The following CNTNAP2 variants were observed in gnomAD, a reference collection of about 807,000 sequenced individuals.
The protein encoded by CNTNAP2 is contactin associated protein 2.
Under a neutral mutation model 155.2 loss-of-function variants are expected in CNTNAP2, and 98 were observed. That is an observed-to-expected ratio of 0.63 (90% confidence interval 0.54 to 0.75). The LOEUF is 0.75. Ranked by LOEUF, CNTNAP2 falls within the 30% of genes least tolerant of loss-of-function variation. The probability of loss-of-function intolerance (pLI) is 0.00; values close to 1 mark genes in which losing one functional copy is unlikely to be tolerated. For missense variants in CNTNAP2, 1,727 were observed against 1,688.1 expected (o/e 1.02, Z -0.40); for synonymous variants, 651 against 631.2 (o/e 1.03, Z -0.47).
chr7:146,162,924 G>A (rs545296589), intron 1 of CNTNAP2, among the ~76,000 whole-genome samples: 17 of 152,146 alleles, frequency 1.1e-4, no homozygotes, highest in African/African-American at 2.4e-4. Flanking sequence ...ACCAAACACC[G>A]CATGTTCTCA....
At chr7:147,229,718 G>A (rs569085720) in intron 8 of CNTNAP2, among the ~76,000 whole-genome samples, 2 of 152,166 alleles carry the variant, frequency 1.3e-5, no homozygotes, top group Admixed American at 1.3e-4. Flanking sequence ...TGTCTATGTC[G>A]ACAAAGGCAT....
chr7:146,477,993 G>T (rs2129127936), intron 1 of CNTNAP2, among the ~76,000 whole-genome samples: 1 of 152,188 alleles, frequency 6.6e-6, no homozygotes, highest in East Asian at 1.9e-4. Context: ...AAGATTAAGT[G>T]GTAGGAAAAG....
At chr7:148,183,523 C>G (rs1258944939) in intron 18 of CNTNAP2, among the ~76,000 whole-genome samples, 1 of 138,604 alleles carries the variant, frequency 7.2e-6, no homozygotes, top group Admixed American at 7.6e-5. Context: ...GCTTTGTTGC[C>G]CTAGCTGGAG....
At chr7:147,120,521 C>T (rs796116072) in intron 5 of CNTNAP2, among the ~76,000 whole-genome samples, 3 of 152,012 alleles carry the variant, frequency 2.0e-5, no homozygotes, top group African/African-American at 7.3e-5. Context: ...CATTTTCCCC[C>T]TTTTTAAAAA....
At chr7:146,789,563 T>C (rs1175177598) in intron 2 of CNTNAP2, among the ~76,000 whole-genome samples, 1 of 151,306 alleles carries the variant, frequency 6.6e-6, no homozygotes, top group East Asian at 1.9e-4. Flanking sequence ...ATCAATTTAG[T>C]CTAATTTTTG....
At chr7:147,902,074 G>A (rs75271530) in intron 13 of CNTNAP2, among the ~76,000 whole-genome samples, 4,991 of 152,250 alleles carry the variant, frequency 0.033, 132 homozygotes, top group Non-Finnish European at 0.053. Context: ...GACCAGTCAC[G>A]AGAATTGTAT....
intron 4 of CNTNAP2, chr7:147,080,823 G>A (rs1425633262): frequency 6.6e-6 from 1 of 151,456 alleles, no homozygotes; most frequent in Non-Finnish European, 1.5e-5. Flanking sequence ...TCAACCACCA[G>A]TCGTTTTCCT....
chr7:146,874,628 C>T (rs977266822), intron 3 of CNTNAP2, among the ~76,000 whole-genome samples: 1 of 152,140 alleles, frequency 6.6e-6, no homozygotes, highest in African/African-American at 2.4e-5. Flanking sequence ...CGTGAGCCAC[C>T]ACACCTGGCC....
chr7:147,281,795 A>C (rs1485134503), intron 8 of CNTNAP2, among the ~76,000 whole-genome samples: 1 of 151,870 alleles, frequency 6.6e-6, no homozygotes, highest in Non-Finnish European at 1.5e-5. Context: ...GTTAGTCATC[A>C]CCTGATTCTT....
At chr7:147,800,474 T>A (rs1584961502) in intron 13 of CNTNAP2, among the ~76,000 whole-genome samples, 1 of 144,644 alleles carries the variant, frequency 6.9e-6, no homozygotes, top group Admixed American at 6.9e-5. Context: ...CAGCTCACTT[T>A]AAAAAAAAAA....
chr7:147,623,039 C>T (rs891880704), intron 12 of CNTNAP2, among the ~76,000 whole-genome samples: 1 of 152,036 alleles, frequency 6.6e-6, no homozygotes, highest in African/African-American at 2.4e-5. Context: ...TTCTTAGACA[C>T]ATACAACCTA....
chr7:146,160,408 G>C (rs1798199072), intron 1 of CNTNAP2, among the ~76,000 whole-genome samples: 1 of 152,232 alleles, frequency 6.6e-6, no homozygotes, highest in African/African-American at 2.4e-5. Flanking sequence ...CCAGGAGCTG[G>C]CTTTTTGAAA....
intron 18 of CNTNAP2, among the ~76,000 whole-genome samples, chr7:148,212,490 T>C (rs1322463397): frequency 6.6e-6 from 1 of 152,226 alleles, no homozygotes; most frequent in Non-Finnish European, 1.5e-5. Flanking sequence ...TCAAAAATGA[T>C]TATAAAACTT....
At chr7:147,964,432 T>A (rs1801169738) in intron 14 of CNTNAP2, among the ~76,000 whole-genome samples, 1 of 152,176 alleles carries the variant, frequency 6.6e-6, no homozygotes, top group African/African-American at 2.4e-5. Flanking sequence ...CGGATTTGTT[T>A]CCATCATTTT....
intron 20 of CNTNAP2, among the ~76,000 whole-genome samples, chr7:148,230,289 A>G (rs1477498025): frequency 6.6e-6 from 1 of 152,220 alleles, no homozygotes; most frequent in Non-Finnish European, 1.5e-5. Flanking sequence ...GGCTTTCGGC[A>G]CACAAAGGGA....
chr7:148,281,002 T>TG (rs769953845), intron 21 of CNTNAP2, among the ~76,000 whole-genome samples: 4 of 152,050 alleles, frequency 2.6e-5, no homozygotes, highest in Non-Finnish European at 5.9e-5. Context: ...CATTTATTCA[T>TG]GGGATATTTA....
intron 14 of CNTNAP2, among the ~76,000 whole-genome samples, chr7:147,960,406 T>A (rs952282651): frequency 6.6e-6 from 1 of 152,164 alleles, no homozygotes; most frequent in Non-Finnish European, 1.5e-5. Context: ...GATTAACCAA[T>A]GAGGTGGTAC....
intron 1 of CNTNAP2, among the ~76,000 whole-genome samples, chr7:146,482,752 T>C (rs1439733396): frequency 6.7e-6 from 1 of 150,166 alleles, no homozygotes; most frequent in Non-Finnish European, 1.5e-5. Flanking sequence ...AAAAAAAAAA[T>C]TGTCATAATT....
intron 13 of CNTNAP2, among the ~76,000 whole-genome samples, chr7:147,782,777 C>T (rs889866159): frequency 2.0e-5 from 3 of 152,130 alleles, no homozygotes; most frequent in Non-Finnish European, 2.9e-5. Context: ...CATTGCTCCA[C>T]CCGCTAATTT....
Sources: gnomAD v4.1 joint callset for allele counts (sites outside exome capture counted in the v4.1 genomes callset) on GRCh38, gnomAD v4.1.1 for gene constraint, MANE v1.5 for transcripts, NCBI Gene and HGNC (gene_info 2026-07-23, HGNC 2026-07-21) for gene names.